The following FNBP1 variants were observed in gnomAD, a reference collection of about 807,000 sequenced individuals.
FNBP1 encodes the protein formin-binding protein 1.
In FNBP1, 26 loss-of-function variants were observed where a neutral mutation model predicts 90.6. That is an observed-to-expected ratio of 0.29 (90% CI 0.21 to 0.40). The LOEUF is 0.40. Ranked by LOEUF, FNBP1 falls within the 10% of genes least tolerant of loss-of-function variation. The probability of loss-of-function intolerance (pLI) is 1.00; values close to 1 mark genes in which losing one functional copy is unlikely to be tolerated. For missense variants in FNBP1, 635 were observed against 768.0 expected (o/e 0.83, Z 2.05); for synonymous variants, 260 against 265.2 (o/e 0.98, Z 0.19).
At chr9:130,030,533 T>A (rs1239862982) in intron 1 of FNBP1, among the ~76,000 whole-genome samples, 1 of 151,990 alleles carries the variant, frequency 6.6e-6, no homozygotes, top group Non-Finnish European at 1.5e-5. Flanking sequence ...ACAGCATCTA[T>A]AAAACAGACT....
chr9:129,980,048 C>G (rs1014800397), intron 2 of FNBP1, among the ~76,000 whole-genome samples: 2 of 151,196 alleles, frequency 1.3e-5, no homozygotes, highest in Admixed American at 6.6e-5. Flanking sequence ...CCAAGGAAAA[C>G]TGTGTCCAAA....
At chr9:129,964,542 A>C (rs762609834) in intron 4 of FNBP1, among the ~76,000 whole-genome samples, 1 of 152,088 alleles carries the variant, frequency 6.6e-6, no homozygotes, top group African/African-American at 2.4e-5. Context: ...CACAGATCAA[A>C]TCACCCTTCA....
At chr9:129,903,118 C>T in intron 12 of FNBP1, 117 bp from the exon 13 acceptor site, 10 of 950,096 alleles carry the variant, frequency 1.1e-5, no homozygotes, top group South Asian at 3.3e-5. Flanking sequence ...CTGCAACGAT[C>T]TTGGCTCACT....
At chr9:129,949,739 A>C (rs1297301833) in intron 6 of FNBP1, among the ~76,000 whole-genome samples, 3 of 152,072 alleles carry the variant, frequency 2.0e-5, no homozygotes, top group Admixed American at 1.3e-4. Flanking sequence ...AAAAAAAAAA[A>C]CAGTGAACAC....
At chr9:129,911,094 T>G (rs1395645072) in intron 11 of FNBP1, among the ~76,000 whole-genome samples, 1 of 152,224 alleles carries the variant, frequency 6.6e-6, no homozygotes, top group East Asian at 1.9e-4. Context: ...ACTCCCGACC[T>G]CAGGCGATCT....
chr9:129,980,158 G>A (rs1028713935), intron 2 of FNBP1, among the ~76,000 whole-genome samples: 1 of 151,364 alleles, frequency 6.6e-6, no homozygotes, highest in Admixed American at 6.6e-5. Flanking sequence ...TTGGAAGTTC[G>A]AGACTGGCCT....
rs56397008 is a variant in FNBP1 at position 129,893,637 on chromosome 9, A to AAAAAAAAG, written c.1846+2200_1846+2201insCTTTTTTT. Among the ~76,000 whole-genome samples, 50 of 62,244 alleles carry AAAAAAAAG rather than the reference A, an allele frequency of 8.0e-4. 11 individuals carry two copies. Among genetic ancestry groups the AAAAAAAAG allele is most frequent in the African/African-American group, 2.6e-3 (29 of 11,024 alleles). The allele number at this position is 62,244 out of a possible 152,430, so 40.8% of individuals were successfully genotyped here. On this transcript the variant is annotated intron_variant, in intron 16 of 16. Transcript: ENST00000446176. The stretch of plus-strand genomic sequence containing the variant: ...CAAAAAAAAAAAAAAAAAAAAAAAA[A>AAAAAAAAG]GCCAGGCACGGGCTCATGCCTGTAA...
intron 1 of FNBP1, among the ~76,000 whole-genome samples, chr9:130,039,412 C>A (rs564800333): frequency 1.3e-5 from 2 of 152,254 alleles, no homozygotes. Flanking sequence ...AGGTAGCTCG[C>A]GCCTGTAATC....
intron 6 of FNBP1, among the ~76,000 whole-genome samples, chr9:129,930,392 C>A (rs2042558967): frequency 6.6e-6 from 1 of 152,108 alleles, no homozygotes. Context: ...AAACCCAGTT[C>A]TCAATGGGGT....
At chr9:129,958,973 GA>G (rs2047356126) in intron 4 of FNBP1, among the ~76,000 whole-genome samples, 1 of 3,558 alleles carries the variant, frequency 2.8e-4, no homozygotes, top group African/African-American at 6.9e-4. Context: ...ATGACACAGT[GA>G]AACTCTGCCT....
intron 12 of FNBP1, among the ~76,000 whole-genome samples, chr9:129,907,580 GGTGTGTGTGTGTGTGTGTGTGTGTGT>G (rs55973122): frequency 4.8e-4 from 70 of 147,206 alleles, no homozygotes; most frequent in Admixed American, 2.9e-3. Context: ...TAGGAGTGAG[GGTGTGTGTGTGTGTGTGTGTGTGTGT>G]GTGTGTGTGT....
intron 11 of FNBP1, chr9:129,914,929 A>C (rs774190379): frequency 1.9e-5 from 9 of 471,168 alleles, no homozygotes; most frequent in South Asian, 1.4e-4. Context: ...GAAGACTATG[A>C]AACTATTATA....
At chr9:130,048,787 CTT>C in the FNBP1 span, among the ~76,000 whole-genome samples, 5 of 143,818 alleles carry the variant, frequency 3.5e-5, no homozygotes, top group Admixed American at 7.0e-5. Context: ...CCAGTTTCCT[CTT>C]TTTTTTTTGA....
intron 1 of FNBP1, among the ~76,000 whole-genome samples, chr9:130,034,613 AAAC>A (rs2059146143): frequency 6.6e-6 from 1 of 152,212 alleles, no homozygotes; most frequent in East Asian, 1.9e-4. Flanking sequence ...TAGAAAAGAG[AAAC>A]AATAACTGGC....
At chr9:129,990,685 G>A (rs1269965561) in intron 2 of FNBP1, among the ~76,000 whole-genome samples, 3 of 152,146 alleles carry the variant, frequency 2.0e-5, no homozygotes, top group South Asian at 2.1e-4. Context: ...TGGCTGCTCT[G>A]TAGAAATCAG....
chr9:129,928,410 G>A (rs908708029), intron 7 of FNBP1, among the ~76,000 whole-genome samples: 2 of 152,202 alleles, frequency 1.3e-5, no homozygotes, highest in African/African-American at 4.8e-5. Flanking sequence ...TGTAATCCCA[G>A]CACTTTGGGA....
At chr9:129,931,970 T>C (rs1330091232) in intron 6 of FNBP1, among the ~76,000 whole-genome samples, 2 of 151,824 alleles carry the variant, frequency 1.3e-5, no homozygotes, top group African/African-American at 4.8e-5. Flanking sequence ...CCCAGCACTT[T>C]GGGAGGCTGA....
At chr9:129,917,038 G>T (rs773109083) in intron 10 of FNBP1, among the ~76,000 whole-genome samples, 1 of 151,664 alleles carries the variant, frequency 6.6e-6, no homozygotes, top group Non-Finnish European at 1.5e-5. Flanking sequence ...TTTGAGACAG[G>T]GTCTCACACT....
chr9:130,004,384 T>C (rs2055343128), intron 1 of FNBP1, among the ~76,000 whole-genome samples: 1 of 151,886 alleles, frequency 6.6e-6, no homozygotes, highest in Non-Finnish European at 1.5e-5. Flanking sequence ...GGAAAGGGGG[T>C]CCTGAGGCCA....
Sources: allele counts gnomAD v4.1 joint callset (sites outside exome capture counted in the v4.1 genomes callset), GRCh38; gene constraint gnomAD v4.1.1; transcripts MANE v1.5; gene names NCBI Gene and HGNC (gene_info 2026-07-23, HGNC 2026-07-21).